The following AMBRA1 variants were observed in gnomAD, a reference collection of about 807,000 sequenced individuals.
AMBRA1 encodes the protein autophagy and beclin 1 regulator 1, also known as activating molecule in BECN1-regulated autophagy protein 1.
In AMBRA1, 47 loss-of-function variants were observed where a neutral mutation model predicts 125.4. The ratio of observed to expected loss-of-function variants is 0.37; its 90% CI spans 0.30 to 0.48. The LOEUF (loss-of-function observed/expected upper bound fraction) is 0.48, where lower values mean the gene tolerates loss of function less well. Among genes scored for constraint, AMBRA1 ranks in the 20% least tolerant of loss-of-function variants. AMBRA1 has a pLI of 0.99. For synonymous variants in AMBRA1, 626 were observed against 655.5 expected (o/e 0.95, Z 0.69); for missense variants, 1,331 against 1,693.4 (o/e 0.79, Z 3.76).
chr11:46,557,772 C>T (rs887692748), intron 1 of AMBRA1, among the ~76,000 whole-genome samples: 31 of 152,318 alleles, frequency 2.0e-4, no homozygotes, highest in African/African-American at 7.5e-4. Context: ...CATGCCACCA[C>T]ACTCCAGCCT....
intron 15 of AMBRA1, among the ~76,000 whole-genome samples, chr11:46,411,118 A>G (rs1361466373): frequency 6.6e-6 from 1 of 151,284 alleles, no homozygotes; most frequent in South Asian, 2.1e-4. Flanking sequence ...AAAAAAAGAA[A>G]AAAAAAAAAA....
At chr11:46,406,942 AGTCCGAG>A (rs1250320876) in intron 17 of AMBRA1, among the ~76,000 whole-genome samples, 4 of 151,804 alleles carry the variant, frequency 2.6e-5, no homozygotes, top group Non-Finnish European at 5.9e-5. Context: ...GCACTTTGGG[AGTCCGAG>A]GTAGGCGGAT....
rs368732790 is a variant in AMBRA1 at position 46,457,805 on chromosome 11, G to A, written c.2522-14207C>T. Among the ~76,000 whole-genome samples, 6 of 151,874 alleles carry A rather than the reference G, an allele frequency of 4.0e-5. No individual in the cohort carries two copies. In the South Asian group the frequency reaches 1.2e-3, roughly 32 times the overall value. ...TAATCCCAACTACTTAGAAGGCTGAGGCATGAAAATCACTTGAGCCAAGGA... is the reference window on the plus strand; with the variant it reads ...TAATCCCAACTACTTAGAAGGCTGAAGCATGAAAATCACTTGAGCCAAGGA... On this transcript the variant is annotated intron_variant, in intron 11 of 17. Coordinates refer to ENST00000683756, the MANE Select transcript of AMBRA1 (RefSeq NM_001387011.1).
At chr11:46,558,692 A>G (rs998409005) in intron 1 of AMBRA1, among the ~76,000 whole-genome samples, 1 of 152,178 alleles carries the variant, frequency 6.6e-6, no homozygotes, top group South Asian at 2.1e-4. Flanking sequence ...ATGGAAATTA[A>G]TAAATTTAGG....
chr11:46,420,692 T>C (rs1447477609), intron 14 of AMBRA1, among the ~76,000 whole-genome samples: 1 of 152,212 alleles, frequency 6.6e-6, no homozygotes, highest in Non-Finnish European at 1.5e-5. Flanking sequence ...AAAGGTCAGA[T>C]GGTGTGAGCA....
chr11:46,433,539 T>C lies in AMBRA1; in HGVS notation c.2911A>G (p.Thr971Ala), dbSNP rs1394025581. Residue 971 changes from threonine (T) to alanine (A), a missense_variant, in exon 14 of 18, where the codon ACA becomes GCA. Thr to Ala is a moderately conservative substitution (Grantham distance 58, BLOSUM62 0). Around this residue, in one of 4 missense-constraint regions of AMBRA1, gnomAD observed 354 missense variants for 532.7 expected, o/e 0.66. Transcript: ENST00000683756. ...AAGACCTGGGCCACCATGTGCTCTG[T>C]GGAGGGGTGCAGCAGGATCCTTCGT... ...ASRRILLHPS[T>A]EHMVAQVFRL... 10 of 1,614,164 alleles carry C rather than the reference T, an allele frequency of 6.2e-6. No homozygotes were observed. Among genetic ancestry groups the C allele is most frequent in the Non-Finnish European group, 8.5e-6 (10 of 1,180,008 alleles).
At chr11:46,414,537 C>T (rs1193650566) in intron 15 of AMBRA1, among the ~76,000 whole-genome samples, 2 of 152,168 alleles carry the variant, frequency 1.3e-5, no homozygotes, top group Non-Finnish European at 2.9e-5. Context: ...GTGGGCTTCC[C>T]GCCAGCACCT....
chr11:46,542,448 T>C lies in AMBRA1; in HGVS notation c.1569A>G (p.Glu523=), dbSNP rs765758231. ...LQELDQSLSG[E]APQTQQAQEM... ...CCTGGGCCTGTTGGGTCTGGGGAGC[T>C]TCCCCACTCAGGCTCTGATCCAGCT... Residue 523 remains glutamate, a synonymous_variant, in exon 7 of 18, where the codon GAA becomes GAG. Transcript: ENST00000683756. The surrounding 1 kb of genome is among the most constrained non-coding windows in gnomAD (Gnocchi z 5.9). The C allele has an allele frequency of 6.2e-7, 1 of 1,613,950 alleles. No homozygotes were observed. Among genetic ancestry groups the C allele is most frequent in the South Asian group, 1.1e-5 (1 of 91,080 alleles).
rs1345545476 is a variant in AMBRA1, at chr11:46,542,659, T to C, written c.1358A>G (p.Gln453Arg). The change falls in exon 7 of 18, where the codon CAG becomes CGG. Residue 453 changes from glutamine to arginine, a missense_variant. Coordinates refer to ENST00000683756, the MANE Select transcript of AMBRA1 (RefSeq NM_001387011.1). This position sits in a 1 kb window ranked among gnomAD's most constrained non-coding sequence, Gnocchi z 5.9. ...SSVSLLSVLR[Q>R]QEGGSQASVY... ...AGATGCCTGAGAGCCACCTTCCTGCTGTCTCAGCACAGACAGCAAACTCAC... is the reference window on the plus strand; with the variant it reads ...AGATGCCTGAGAGCCACCTTCCTGCCGTCTCAGCACAGACAGCAAACTCAC... The C allele has an allele frequency of 1.2e-6, 2 of 1,614,190 alleles. No homozygotes were observed. Among genetic ancestry groups the C allele is most frequent in the Admixed American group, 1.7e-5 (1 of 60,018 alleles).
At chr11:46,581,064 G>A (rs1692235872) in intron 1 of AMBRA1, among the ~76,000 whole-genome samples, 1 of 151,906 alleles carries the variant, frequency 6.6e-6, no homozygotes, top group Admixed American at 6.6e-5. Context: ...AAAGTGCTAG[G>A]ATTACAAGCA....
At chr11:46,520,140 GAAAA>G in intron 7 of AMBRA1, among the ~76,000 whole-genome samples, 1 of 108,546 alleles carries the variant, frequency 9.2e-6, no homozygotes, top group Non-Finnish European at 2.0e-5. Context: ...ACTCCGCCTC[GAAAA>G]AAAAAAAAAA....
At chr11:46,508,101 C>T in intron 9 of AMBRA1, 90 bp downstream of exon 9, 1 of 1,353,486 alleles carries the variant, frequency 7.4e-7, no homozygotes, top group Non-Finnish European at 1.0e-6. Context: ...GGAGCAAGAA[C>T]ATCCACCATT....
At chr11:46,463,222 A>G (rs186348471) in intron 11 of AMBRA1, among the ~76,000 whole-genome samples, 10 of 152,178 alleles carry the variant, frequency 6.6e-5, no homozygotes, top group Non-Finnish European at 1.5e-4. Flanking sequence ...CTTGAGGATG[A>G]GTTTAAAATT....
intron 7 of AMBRA1, among the ~76,000 whole-genome samples, chr11:46,519,321 G>GCC (rs1307128248): frequency 6.6e-6 from 1 of 152,058 alleles, no homozygotes; most frequent in Non-Finnish European, 1.5e-5. Context: ...ACCATGCCCG[G>GCC]CCCCTTCACT....
chr11:46,436,686 C>T (rs1343914101), intron 12 of AMBRA1, among the ~76,000 whole-genome samples: 1 of 152,194 alleles, frequency 6.6e-6, no homozygotes, highest in African/African-American at 2.4e-5. Flanking sequence ...CAATATCCCT[C>T]TCCTTTTCTG....
chr11:46,572,146 CAAAAA>C (rs1305073205), intron 1 of AMBRA1, among the ~76,000 whole-genome samples: 1 of 151,942 alleles, frequency 6.6e-6, no homozygotes, highest in Non-Finnish European at 1.5e-5. Context: ...ACCGAAAATA[CAAAAA>C]TTTGCTGGGC....
chr11:46,574,893 C>A (rs189682426), intron 1 of AMBRA1, among the ~76,000 whole-genome samples: 66 of 152,278 alleles, frequency 4.3e-4, no homozygotes, highest in Admixed American at 6.5e-4. Flanking sequence ...AGGTTTGTTA[C>A]AAATATTACA....
Position 46,435,043 on chromosome 11 carries a change from T to A in AMBRA1, c.2633-6A>T. The A allele has an allele frequency of 1.3e-6, 2 of 1,595,548 alleles. No individual in the cohort carries two copies. The highest frequency in any genetic ancestry group is 1.1e-5 in the South Asian group (1 of 88,358). On this transcript the variant is annotated splice_polypyrimidine_tract_variant and splice_region_variant and intron_variant, in intron 12 of 17. Transcript: ENST00000683756. ...CACCAGCACATTCACGGAAGCTGCATCAGACAAAGAAAGAAAAGAGGATAA... is the reference window on the plus strand; with the variant it reads ...CACCAGCACATTCACGGAAGCTGCAACAGACAAAGAAAGAAAAGAGGATAA...
intron 11 of AMBRA1, among the ~76,000 whole-genome samples, chr11:46,486,315 T>G (rs1950264695): frequency 6.6e-6 from 1 of 152,208 alleles, no homozygotes; most frequent in South Asian, 2.1e-4. Context: ...TCATTTCTGT[T>G]CACTTTCATC....
Sources: gnomAD v4.1 joint callset for allele counts (sites outside exome capture counted in the v4.1 genomes callset) on GRCh38, gnomAD v4.1.1 for gene constraint, gnomAD v4.1.1 regional missense constraint, Gnocchi (gnomAD v3.1) non-coding constraint, MANE v1.5 for transcripts, NCBI Gene and HGNC (gene_info 2026-07-23, HGNC 2026-07-21) for gene names.